PDAP1: variants seen among roughly 807,000 people sequenced by gnomAD.
PDAP1 encodes 28 kDa heat- and acid-stable phosphoprotein.
Under a neutral mutation model 28.0 loss-of-function variants are expected in PDAP1, and 13 were observed. The ratio of observed to expected loss-of-function variants is 0.46; its 90% CI spans 0.30 to 0.74. The LOEUF is 0.74. Ranked by LOEUF, PDAP1 falls within the 30% of genes least tolerant of loss-of-function variation. PDAP1 has a pLI of 0.07. For synonymous variants in PDAP1, 77 were observed against 85.1 expected (o/e 0.91, Z 0.52); for missense variants, 150 against 230.0 (o/e 0.65, Z 2.25).
At position 99,400,395 on chromosome 7, in the gene PDAP1, G is replaced by A. The variant is rs562711859; in HGVS notation, c.243C>T (p.Ile81=). ...QQKRKGVEGL[I]DIENPNRVAQ... is the part of the protein sequence containing the mutation. ...CCACCCGGTTGGGGTTCTCGATGTCGATGAGCCCTTCAACGCCTTTGCGCT... is the reference window on the plus strand; with the variant it reads ...CCACCCGGTTGGGGTTCTCGATGTCAATGAGCCCTTCAACGCCTTTGCGCT... The change falls in exon 4 of 6, where the codon ATC becomes ATT. Residue 81 remains isoleucine (I), a synonymous_variant. Coordinates refer to ENST00000350498, the MANE Select transcript of PDAP1 (RefSeq NM_014891.7). 2.4e-5 allele frequency: 39 copies of A among 1,614,010 alleles called. No homozygotes were observed. The highest frequency in any genetic ancestry group is 1.6e-4 in the African/African-American group (12 of 74,932).
At chr7:99,397,272 TCA>T (rs1213579101) in intron 5 of PDAP1, among the ~76,000 whole-genome samples, 2 of 152,110 alleles carry the variant, frequency 1.3e-5, no homozygotes, top group African/African-American at 4.8e-5. Context: ...GTAGGGGCTC[TCA>T]CAGACCCCCG....
chr7:99,402,754 C>T (rs907151254), intron 3 of PDAP1, among the ~76,000 whole-genome samples: 10 of 151,170 alleles, frequency 6.6e-5, no homozygotes, highest in African/African-American at 9.7e-5. Context: ...TGGTGGCAGG[C>T]GCCTGTAGTC....
chr7:99,403,441 G>T lies in PDAP1; in HGVS notation c.170C>A (p.Ser57Tyr). 1 of 1,611,468 alleles carries T rather than the reference G, an allele frequency of 6.2e-7. No individual in the cohort carries two copies. The highest frequency in any genetic ancestry group is 1.1e-5 in the South Asian group (1 of 91,042). Residue 57 changes from serine (S) to tyrosine (Y), a missense_variant, in exon 3 of 6, where the codon TCT becomes TAT. Physicochemically the swap from Ser to Tyr is moderately radical, Grantham distance 144. Transcript: ENST00000350498. ...ATCCTCACTCTCATCTGAGTCTAGA[G>T]ATTTCTTCTCCTTTTTGGGGTCACC... Reference protein sequence around the residue: ...AAGDPKKEKKSLDSDESEDEE... With the variant: ...AAGDPKKEKKYLDSDESEDEE...
rs138561876 is a variant in PDAP1 at position 99,400,314 on chromosome 7, C to G, written c.324G>C (p.Ser108=). The G allele has an allele frequency of 1.2e-5, 19 of 1,613,640 alleles. No individual in the cohort carries two copies. Among genetic ancestry groups the G allele is most frequent in the Non-Finnish European group, 1.5e-5 (18 of 1,179,846 alleles). The change falls in exon 4 of 6, where the codon TCG becomes TCC. Residue 108 remains serine, a synonymous_variant. Transcript: ENST00000350498. Reference sequence around the variant, plus strand: ...GCCAGTGATGTTACCGTTCTCTCCTCGAAAGCTCCTTTGGCCCGTCCAGAT... The same window carrying G: ...GCCAGTGATGTTACCGTTCTCTCCTGGAAAGCTCCTTTGGCCCGTCCAGAT... ...QLDLDGPKEL[S]RREREEIEKQ...
chr7:99,399,407 C>T (rs1423330387), intron 4 of PDAP1, among the ~76,000 whole-genome samples: 1 of 152,058 alleles, frequency 6.6e-6, no homozygotes, highest in African/African-American at 2.4e-5. Flanking sequence ...CTCTGCAACC[C>T]CAAAGGACAG....
chr7:99,397,279 C>A (rs1297267789), intron 5 of PDAP1, among the ~76,000 whole-genome samples: 1 of 152,052 alleles, frequency 6.6e-6, no homozygotes, highest in Non-Finnish European at 1.5e-5. Context: ...CTCTCACAGA[C>A]CCCCGGGAGA....
In PDAP1 at chr7:99,395,999, A is replaced by C. The variant is rs750280152; in HGVS notation, c.*683T>G. ...CAAAACAAAGATTACGATAATGTCA[A>C]GTTTAATCTGCCAAATATACAAGTT... On this transcript the variant is annotated 3_prime_UTR_variant, in exon 6 of 6. Coordinates refer to ENST00000350498, the MANE Select transcript of PDAP1 (RefSeq NM_014891.7). The C allele has an allele frequency of 6.5e-6, 1 of 153,026 alleles. No individual in the cohort carries two copies. The highest frequency in any genetic ancestry group is 2.1e-4 in the South Asian group (1 of 4,856). The allele number at this position is 153,026 out of a possible 1,614,324, so 9.5% of individuals were successfully genotyped here. A position where few individuals can be genotyped will look rare whatever the true frequency, so the allele number is the denominator to read the frequency against.
In PDAP1 at chr7:99,403,354, G is replaced by A. The variant is rs531924720; in HGVS notation, c.213+44C>T. 3 of 1,182,456 alleles carry A rather than the reference G, an allele frequency of 2.5e-6. No individual in the cohort carries two copies. In the East Asian group the frequency reaches 7.0e-5, roughly 28 times the overall value. 73.2% of individuals were successfully genotyped at this position (1,182,456 alleles called of 1,614,324 possible). A position where few individuals can be genotyped will look rare whatever the true frequency, so the allele number is the denominator to read the frequency against. On this transcript the variant is annotated intron_variant, in intron 3 of 5. Coordinates refer to ENST00000350498, the MANE Select transcript of PDAP1 (RefSeq NM_014891.7). ...AACGGTCACTCAACGTTTGTTTGTT[G>A]AATGAATGAGTCCAGGCTCTAGGCC...
chr7:99,400,171 T>C, intron 4 of PDAP1, 132 bp downstream of exon 4: 2 of 940,674 alleles, frequency 2.1e-6, no homozygotes, highest in Non-Finnish European at 3.2e-6. Context: ...TTTTAAAGGC[T>C]ACTGGAGGGC....
Position 99,395,533 on chromosome 7 carries a change from GT to G in PDAP1, c.*1148del, listed in dbSNP as rs1201208418. 2.0e-5 allele frequency: 3 copies of G among 152,354 alleles called. No individual in the cohort carries two copies. The East Asian group carries it at 5.8e-4, about 29-fold the overall frequency. 9.4% of individuals were successfully genotyped at this position (152,354 alleles called of 1,614,324 possible). On this transcript the variant is annotated 3_prime_UTR_variant, in exon 6 of 6. Coordinates refer to ENST00000350498, the MANE Select transcript of PDAP1 (RefSeq NM_014891.7). ...TTCGTGTGCTGTAAACTGAGGTTCT[GT>G]CTTGGAGTTTATGTCATGTCACCAG... is the stretch of plus-strand genomic sequence containing the variant.
intron 5 of PDAP1, among the ~76,000 whole-genome samples, 156 bp downstream of exon 5, chr7:99,397,706 G>A (rs1794793715): frequency 6.6e-6 from 1 of 152,178 alleles, no homozygotes; most frequent in Non-Finnish European, 1.5e-5. Context: ...GGAGTGGCAG[G>A]CACAGGGAGG....
intron 1 of PDAP1, among the ~76,000 whole-genome samples, chr7:99,407,066 GTAATTT>G: frequency 1.3e-5 from 2 of 152,304 alleles, no homozygotes; most frequent in Non-Finnish European, 2.9e-5. Context: ...TTGGTCCACA[GTAATTT>G]TATAGTAGAC....
intron 2 of PDAP1, among the ~76,000 whole-genome samples, chr7:99,404,295 C>T (rs752772043): frequency 6.6e-6 from 1 of 152,176 alleles, no homozygotes; most frequent in Non-Finnish European, 1.5e-5. Context: ...GATGCAGATG[C>T]TGACGATGGG....
chr7:99,405,046 G>A, intron 1 of PDAP1, 93 bp from the exon 2 acceptor site: 1 of 890,376 alleles, frequency 1.1e-6, no homozygotes. Flanking sequence ...ACTCTCATCG[G>A]AGGCCTCACC....
intron 4 of PDAP1, 42 bp downstream of exon 4, chr7:99,400,261 G>GCACAAGGC: frequency 6.2e-7 from 1 of 1,609,806 alleles, no homozygotes; most frequent in Non-Finnish European, 8.5e-7. Context: ...CCAACTGCTG[G>GCACAAGGC]CCTGTATTCC....
At position 99,396,253 on chromosome 7, in the gene PDAP1, T is replaced by C. The variant is rs1794757211; in HGVS notation, c.*429A>G. On this transcript the variant is annotated 3_prime_UTR_variant, in exon 6 of 6. Coordinates refer to ENST00000350498, the MANE Select transcript of PDAP1 (RefSeq NM_014891.7). ...AGGCTCCCAGATGATAGCCCCTCTC[T>C]GAATGAGCACCCAGGCAACACAGTC... The C allele has an allele frequency of 2.4e-5, 6 of 254,454 alleles. No homozygotes were observed. 15.8% of individuals were successfully genotyped at this position (254,454 alleles called of 1,614,324 possible). A position where few individuals can be genotyped will look rare whatever the true frequency, so the allele number is the denominator to read the frequency against.
chr7:99,394,769 T>A lies in PDAP1; in HGVS notation c.*1913A>T, dbSNP rs1014419515. On this transcript the variant is annotated 3_prime_UTR_variant, in exon 6 of 6. Coordinates refer to ENST00000350498, the MANE Select transcript of PDAP1 (RefSeq NM_014891.7). ...GCTTCAAAATGTGGAGGTAATAAAA[T>A]GCAACTGTGTAAAAAAAAAAAAAAA... is the stretch of plus-strand genomic sequence containing the variant. The A allele has an allele frequency of 4.3e-6, 5 of 1,162,064 alleles. No homozygotes were observed. The highest frequency in any genetic ancestry group is 2.1e-6 in the Non-Finnish European group (2 of 958,694). The allele number at this position is 1,162,064 out of a possible 1,614,324, so 72.0% of individuals were successfully genotyped here.
chr7:99,404,237 C>T lies in PDAP1; in HGVS notation c.105+625G>A, dbSNP rs1039056588. ...CAGCTGTGTACCCATCTGGCCCTGA[C>T]TGCTCCCTTAGGCCCTTGATCCAGG... On this transcript the variant is annotated intron_variant, in intron 2 of 5. Coordinates refer to ENST00000350498, the MANE Select transcript of PDAP1 (RefSeq NM_014891.7). 1.4e-4 allele frequency among the ~76,000 whole-genome samples: 22 copies of T among 152,308 alleles called. 1 individual carries two copies. The highest frequency in any genetic ancestry group is 3.9e-4 in the Admixed American group (6 of 15,304).
intron 3 of PDAP1, chr7:99,403,175 CT>C: frequency 1.8e-6 from 1 of 562,514 alleles, no homozygotes; most frequent in Non-Finnish European, 3.2e-6. Context: ...CACCACAACA[CT>C]TTTCCAAGTC....
Sources: allele counts gnomAD v4.1 joint callset (sites outside exome capture counted in the v4.1 genomes callset), GRCh38; gene constraint gnomAD v4.1.1; transcripts MANE v1.5; gene names NCBI Gene and HGNC (gene_info 2026-07-23, HGNC 2026-07-21).